Variants in BCKDHB observed in about 807,000 individuals in gnomAD.
The protein encoded by BCKDHB is 2-oxoisovalerate dehydrogenase subunit beta, mitochondrial.
A neutral mutation model predicts 48.5 loss-of-function variants in BCKDHB; 41 were observed. That is an observed-to-expected ratio of 0.85 (90% confidence interval 0.66 to 1.10). BCKDHB has a LOEUF of 1.10. Ranked by LOEUF, BCKDHB falls within the 50% of genes least tolerant of loss-of-function variation. BCKDHB has a pLI of 0.00. For missense variants in BCKDHB, 496 were observed against 494.2 expected, an observed-to-expected ratio of 1.00 and a Z score of -0.03; for synonymous variants, 201 against 174.8, an observed-to-expected ratio of 1.15 and a Z score of -1.18.
At position 80,241,510 on chromosome 6, in the gene BCKDHB, C is replaced by T. The variant is rs1224550241; in HGVS notation, c.952-31625C>T. On this transcript the variant is annotated intron_variant, in intron 8 of 9. Transcript: ENST00000320393. Reference sequence around the variant, plus strand: ...TGGTTTTCCTTCTAACAGTCAGGACCCTCAGCTGCAGGTCTGTTGGAGTTT... The same window carrying T: ...TGGTTTTCCTTCTAACAGTCAGGACTCTCAGCTGCAGGTCTGTTGGAGTTT... Among the ~76,000 whole-genome samples, 3 of 152,142 alleles carry T rather than the reference C, an allele frequency of 2.0e-5. No individual in the cohort carries two copies. In the East Asian group the frequency reaches 5.8e-4, roughly 29 times the overall value.
chr6:80,465,392 C>G, the BCKDHB span, among the ~76,000 whole-genome samples: 1 of 152,184 alleles, frequency 6.6e-6, no homozygotes, highest in South Asian at 2.1e-4. Flanking sequence ...CACAGCTTTC[C>G]AAACTATAGT....
At chr6:80,419,581 T>TC in the BCKDHB span, among the ~76,000 whole-genome samples, 3 of 152,240 alleles carry the variant, frequency 2.0e-5, no homozygotes, top group African/African-American at 7.2e-5. Flanking sequence ...TACCAAACCC[T>TC]CTGGGATCCA....
the BCKDHB span, among the ~76,000 whole-genome samples, chr6:80,430,042 G>A: frequency 5.8e-3 from 885 of 152,200 alleles, 9 homozygotes; most frequent in African/African-American, 0.02. Context: ...ACGTTCCATC[G>A]ATACCTAGTT....
chr6:80,358,246 T>C, the BCKDHB span, among the ~76,000 whole-genome samples: 11 of 152,314 alleles, frequency 7.2e-5, no homozygotes, highest in Middle Eastern at 3.4e-3. Context: ...CTTATTATTT[T>C]AAGGATGCCA....
At chr6:80,408,476 T>C in the BCKDHB span, among the ~76,000 whole-genome samples, 1 of 152,086 alleles carries the variant, frequency 6.6e-6, no homozygotes, top group African/African-American at 2.4e-5. Context: ...GCTGTGAATC[T>C]ATCTGGTCCT....
intron 8 of BCKDHB, among the ~76,000 whole-genome samples, chr6:80,243,866 A>G (rs992160336): frequency 2.0e-5 from 3 of 152,206 alleles, no homozygotes; most frequent in African/African-American, 7.2e-5. Flanking sequence ...ATCTCACTTT[A>G]AAAGTGTTTC....
intron 1 of BCKDHB, among the ~76,000 whole-genome samples, chr6:80,124,310 C>T (rs1770214713): frequency 6.6e-6 from 1 of 152,108 alleles, no homozygotes; most frequent in African/African-American, 2.4e-5. Context: ...GCTTTACTTC[C>T]AGTTATGTGG....
At chr6:80,394,674 T>C in the BCKDHB span, among the ~76,000 whole-genome samples, 1 of 152,352 alleles carries the variant, frequency 6.6e-6, no homozygotes, top group East Asian at 1.9e-4. Context: ...AAGCCATTTT[T>C]ACTAGGAGGA....
the BCKDHB span, among the ~76,000 whole-genome samples, chr6:80,444,638 G>T: frequency 6.6e-6 from 1 of 152,118 alleles, no homozygotes; most frequent in Non-Finnish European, 1.5e-5. Flanking sequence ...CACAATAACT[G>T]CTTACTGACT....
Position 80,314,005 on chromosome 6 carries a change from T to A in BCKDHB, c.1039-29659T>A, listed in dbSNP as rs184620213. Reference sequence around the variant, plus strand: ...ATTAGTTTCAAAGAACTTCTTGATTTCTGCCTTAATTTCATTATTTACCCA... The same window carrying A: ...ATTAGTTTCAAAGAACTTCTTGATTACTGCCTTAATTTCATTATTTACCCA... On this transcript the variant is annotated intron_variant, in intron 9 of 9. Transcript: ENST00000320393. Among the ~76,000 whole-genome samples the A allele has an allele frequency of 1.0e-3, 155 of 152,364 alleles. No individual in the cohort carries two copies. The South Asian group carries it at 0.017, about 16-fold the overall frequency.
the BCKDHB span, among the ~76,000 whole-genome samples, chr6:80,411,392 T>A: frequency 3.9e-5 from 6 of 152,026 alleles, no homozygotes; most frequent in Non-Finnish European, 5.9e-5. Context: ...TACTGGGAGG[T>A]GTCTCCCAGT....
chr6:80,219,843 T>TA (rs201960135), intron 8 of BCKDHB, among the ~76,000 whole-genome samples: 2,179 of 152,294 alleles, frequency 0.014, 51 homozygotes, highest in African/African-American at 0.049. Flanking sequence ...AATGCTTCAT[T>TA]ATATACTAGT....
chr6:80,343,787 A>G lies in BCKDHB; in HGVS notation c.1162A>G (p.Lys388Glu), dbSNP rs1338173021. 1.2e-5 allele frequency: 19 copies of G among 1,613,960 alleles called. No individual in the cohort carries two copies. Among genetic ancestry groups the G allele is most frequent in the Non-Finnish European group, 1.5e-5 (18 of 1,179,960 alleles). Reference sequence around the variant, plus strand: ...ATGGAAGTGTTATGATGCCCTTCGAAAAATGATCAACTATTGACCATATAG... The same window carrying G: ...ATGGAAGTGTTATGATGCCCTTCGAGAAATGATCAACTATTGACCATATAG... ...DKWKCYDALR[K>E]MINY Residue 388 changes from lysine (K) to glutamate (E), a missense_variant, in exon 10 of 10, where the codon AAA becomes GAA. Coordinates refer to ENST00000320393, the MANE Select transcript of BCKDHB (RefSeq NM_183050.4).
intron 3 of BCKDHB, among the ~76,000 whole-genome samples, chr6:80,136,623 AAT>A (rs1340528952): frequency 2.6e-5 from 4 of 152,156 alleles, no homozygotes; most frequent in East Asian, 3.9e-4. Flanking sequence ...CGAAATTAAA[AAT>A]ATGTACTTTG....
At chr6:80,409,073 C>A in the BCKDHB span, among the ~76,000 whole-genome samples, 1 of 152,002 alleles carries the variant, frequency 6.6e-6, no homozygotes, top group African/African-American at 2.4e-5. Flanking sequence ...GTATGTTGTG[C>A]CTTTCTTCTT....
the BCKDHB span, among the ~76,000 whole-genome samples, chr6:80,406,444 A>G: frequency 6.6e-6 from 1 of 152,210 alleles, no homozygotes; most frequent in Non-Finnish European, 1.5e-5. Flanking sequence ...GTCTTCCACA[A>G]TGGTTGAGCT....
intron 1 of BCKDHB, among the ~76,000 whole-genome samples, chr6:80,126,776 A>T (rs1409857980): frequency 6.6e-6 from 1 of 152,170 alleles, no homozygotes; most frequent in Non-Finnish European, 1.5e-5. Flanking sequence ...TCTGAATTCT[A>T]ACATTTAGAA....
intron 3 of BCKDHB, among the ~76,000 whole-genome samples, chr6:80,161,650 G>T (rs922104125): frequency 3.9e-5 from 6 of 152,154 alleles, no homozygotes; most frequent in African/African-American, 1.4e-4. Flanking sequence ...TCCTGTCAGT[G>T]TCCACATGGA....
At chr6:80,124,246 C>A (rs143742408) in intron 1 of BCKDHB, among the ~76,000 whole-genome samples, 2 of 152,016 alleles carry the variant, frequency 1.3e-5, no homozygotes, top group East Asian at 1.9e-4. Flanking sequence ...GATTGCACTG[C>A]GGTTTGAGAG....
Sources: gnomAD v4.1 joint callset for allele counts (sites outside exome capture counted in the v4.1 genomes callset) on GRCh38, gnomAD v4.1.1 for gene constraint, MANE v1.5 for transcripts, NCBI Gene and HGNC (gene_info 2026-07-23, HGNC 2026-07-21) for gene names.